LUZP2: variants seen among roughly 807,000 people sequenced by gnomAD.
LUZP2 encodes leucine zipper protein 2.
LUZP2 carries 52 observed loss-of-function variants against 51.6 expected under a neutral mutation model. That is an observed-to-expected ratio of 1.01 (90% CI 0.81 to 1.27). The LOEUF (loss-of-function observed/expected upper bound fraction) is 1.27. Among genes scored for constraint, LUZP2 ranks in the 50% most tolerant of loss-of-function variants. The pLI is 0.00. For missense variants in LUZP2, 436 were observed against 395.4 expected (o/e 1.10, Z -0.87); for synonymous variants, 154 against 137.3 (o/e 1.12, Z -0.85).
At chr11:24,637,008 A>G (rs1855127905) in intron 1 of LUZP2, among the ~76,000 whole-genome samples, 1 of 151,696 alleles carries the variant, frequency 6.6e-6, no homozygotes, top group South Asian at 2.1e-4. Context: ...TAAAATAGAA[A>G]GCTAAAAATG....
chr11:24,949,898 T>C (rs1288560994), intron 7 of LUZP2, among the ~76,000 whole-genome samples: 2 of 151,462 alleles, frequency 1.3e-5, no homozygotes, highest in Non-Finnish European at 3.0e-5. Context: ...CTTTCTTGCC[T>C]GAGATAAGCT....
chr11:24,815,928 G>C (rs1263123314), intron 5 of LUZP2, among the ~76,000 whole-genome samples: 1 of 151,834 alleles, frequency 6.6e-6, no homozygotes, highest in Non-Finnish European at 1.5e-5. Context: ...TGCTAGGTGG[G>C]AATGCTGAAG....
intron 1 of LUZP2, among the ~76,000 whole-genome samples, chr11:24,672,902 C>T (rs1028562884): frequency 5.3e-5 from 8 of 152,138 alleles, no homozygotes; most frequent in East Asian, 1.9e-4. Context: ...GAGCAGTGGG[C>T]GAGTGAGAAT....
intron 5 of LUZP2, among the ~76,000 whole-genome samples, chr11:24,849,479 A>C (rs776367005): frequency 6.6e-6 from 1 of 152,166 alleles, no homozygotes; most frequent in African/African-American, 2.4e-5. Flanking sequence ...GTATGGCTGC[A>C]TAGTATTCCA....
At chr11:24,728,297 G>C (rs186742962) in intron 1 of LUZP2, among the ~76,000 whole-genome samples, 1 of 148,048 alleles carries the variant, frequency 6.8e-6, no homozygotes, top group African/African-American at 2.5e-5. Flanking sequence ...CAACATACAG[G>C]CAAAAGAATT....
chr11:24,579,535 C>G (rs370048844), intron 1 of LUZP2, among the ~76,000 whole-genome samples: 1 of 152,042 alleles, frequency 6.6e-6, no homozygotes, highest in Non-Finnish European at 1.5e-5. Context: ...ATGGTTTCAA[C>G]TTTTGATTCT....
At chr11:24,632,112 A>G (rs889576077) in intron 1 of LUZP2, among the ~76,000 whole-genome samples, 1 of 152,036 alleles carries the variant, frequency 6.6e-6, no homozygotes, top group Admixed American at 6.6e-5. Flanking sequence ...GTCATTTCAC[A>G]TTTGAGAATA....
chr11:25,028,690 GTTT>G (rs368130152), intron 9 of LUZP2, among the ~76,000 whole-genome samples: 1 of 144,464 alleles, frequency 6.9e-6, no homozygotes, highest in African/African-American at 2.5e-5. Context: ...TAATTTGCAT[GTTT>G]TTTTTTTTTA....
intron 1 of LUZP2, among the ~76,000 whole-genome samples, chr11:24,632,707 A>G (rs1854937915): frequency 6.6e-6 from 1 of 152,034 alleles, no homozygotes; most frequent in Non-Finnish European, 1.5e-5. Flanking sequence ...TGAAAAACAT[A>G]AACAATTACA....
intron 5 of LUZP2, among the ~76,000 whole-genome samples, chr11:24,800,314 C>T (rs1225247490): frequency 6.6e-6 from 1 of 152,098 alleles, no homozygotes; most frequent in Non-Finnish European, 1.5e-5. Context: ...CCTTGCCACG[C>T]TAGATTGTCT....
At chr11:24,523,546 T>C (rs1364302904) in intron 1 of LUZP2, among the ~76,000 whole-genome samples, 1 of 150,396 alleles carries the variant, frequency 6.6e-6, no homozygotes, top group Non-Finnish European at 1.5e-5. Context: ...AATAATAATC[T>C]ATTATATATA....
intron 7 of LUZP2, among the ~76,000 whole-genome samples, chr11:24,928,425 T>C (rs1054185633): frequency 6.6e-6 from 1 of 152,080 alleles, no homozygotes; most frequent in Admixed American, 6.5e-5. Flanking sequence ...TTGCTTAGGG[T>C]TATAATCATA....
intron 10 of LUZP2, among the ~76,000 whole-genome samples, chr11:25,061,372 A>C (rs1300559517): frequency 6.6e-6 from 1 of 152,192 alleles, no homozygotes; most frequent in East Asian, 1.9e-4. Flanking sequence ...ACAGAAACAA[A>C]CAGGTTATTC....
chr11:24,862,083 C>T (rs919637938), intron 5 of LUZP2, among the ~76,000 whole-genome samples: 1 of 152,034 alleles, frequency 6.6e-6, no homozygotes, highest in Non-Finnish European at 1.5e-5. Flanking sequence ...TGACTGATCT[C>T]CTACACATAA....
chr11:24,963,642 G>T (rs1855489042), intron 7 of LUZP2, among the ~76,000 whole-genome samples: 1 of 152,170 alleles, frequency 6.6e-6, no homozygotes, highest in South Asian at 2.1e-4. Flanking sequence ...GGGTGGGAGT[G>T]ACCCGATTTT....
At chr11:24,538,048 A>G in intron 1 of LUZP2, among the ~76,000 whole-genome samples, 1 of 151,946 alleles carries the variant, frequency 6.6e-6, no homozygotes, top group South Asian at 2.1e-4. Context: ...CATTTCCTCC[A>G]TGAGCTCAAA....
At chr11:25,003,243 G>T (rs1422817612) in intron 9 of LUZP2, among the ~76,000 whole-genome samples, 1 of 152,204 alleles carries the variant, frequency 6.6e-6, no homozygotes, top group Non-Finnish European at 1.5e-5. Context: ...AAGAGACCTA[G>T]ATCTTGGGCC....
intron 9 of LUZP2, among the ~76,000 whole-genome samples, chr11:24,991,792 G>A (rs372112435): frequency 2.4e-4 from 37 of 151,906 alleles, no homozygotes; most frequent in African/African-American, 8.2e-4. Flanking sequence ...TTGCATTGTG[G>A]TTTTGAATCG....
At chr11:24,970,700 C>T (rs10742060) in intron 7 of LUZP2, among the ~76,000 whole-genome samples, 151,252 of 152,286 alleles carry the variant, frequency 0.99, 75,129 homozygotes, top group Middle Eastern at 1. Flanking sequence ...TCATGTTTCC[C>T]AGAAGAAAAC....
Sources: gnomAD v4.1 joint callset for allele counts (sites outside exome capture counted in the v4.1 genomes callset) on GRCh38, gnomAD v4.1.1 for gene constraint, MANE v1.5 for transcripts, NCBI Gene and HGNC (gene_info 2026-07-23, HGNC 2026-07-21) for gene names.